Variants in HDAC9 observed in about 807,000 individuals in gnomAD.
HDAC9 encodes MEF-2 interacting transcription repressor (MITR) protein.
Under a neutral mutation model 139.4 loss-of-function variants are expected in HDAC9, and 41 were observed. That is an observed-to-expected ratio of 0.29 (90% CI 0.23 to 0.38). The LOEUF (loss-of-function observed/expected upper bound fraction) is 0.38. Ranked by LOEUF, HDAC9 falls within the 10% of genes least tolerant of loss-of-function variation. HDAC9 has a pLI of 1.00. For missense variants in HDAC9, 1,147 were observed against 1,297.0 expected (o/e 0.88, Z 1.78); for synonymous variants, 517 against 476.2 (o/e 1.09, Z -1.12).
intron 2 of HDAC9, among the ~76,000 whole-genome samples, chr7:18,210,358 A>G (rs973026236): frequency 3.3e-5 from 5 of 152,206 alleles, no homozygotes; most frequent in African/African-American, 1.2e-4. Flanking sequence ...GAAATTTAAC[A>G]CTTTTCTAAT....
At chr7:18,296,395 G>C (rs1245274852) in intron 1 of HDAC9, among the ~76,000 whole-genome samples, 1 of 141,426 alleles carries the variant, frequency 7.1e-6, no homozygotes, top group African/African-American at 3.1e-5. Flanking sequence ...ATTTTCTCTT[G>C]ATTATAACAT....
chr7:18,991,449 A>G (rs767620707), intron 25 of HDAC9, among the ~76,000 whole-genome samples: 1 of 152,152 alleles, frequency 6.6e-6, no homozygotes, highest in Non-Finnish European at 1.5e-5. Context: ...CATCCTGGCT[A>G]ACACGGTGAA....
intron 2 of HDAC9, among the ~76,000 whole-genome samples, chr7:18,526,032 A>T (rs979972462): frequency 3.9e-5 from 6 of 152,144 alleles, no homozygotes; most frequent in Admixed American, 3.9e-4. Context: ...CACCAGATGA[A>T]AGTCACTGTT....
At chr7:18,438,820 A>T (rs1333721647) in intron 1 of HDAC9, among the ~76,000 whole-genome samples, 1 of 152,170 alleles carries the variant, frequency 6.6e-6, no homozygotes. Context: ...TATTCTATAA[A>T]TGTATGAATT....
intron 12 of HDAC9, among the ~76,000 whole-genome samples, chr7:18,717,610 T>C (rs1179172191): frequency 3.9e-5 from 6 of 152,092 alleles, no homozygotes; most frequent in East Asian, 1.9e-4. Context: ...TCTGTATTTT[T>C]AGTGGAGATG....
At position 18,496,010 on chromosome 7, in the gene HDAC9, T is replaced by C; in HGVS notation, c.-55T>C. The C allele has an allele frequency of 7.1e-7, 1 of 1,414,246 alleles. No homozygotes were observed. The highest frequency in any genetic ancestry group is 9.2e-7 in the Non-Finnish European group (1 of 1,087,990). 87.6% of individuals were successfully genotyped at this position (1,414,246 alleles called of 1,614,324 possible). A position where few individuals can be genotyped will look rare whatever the true frequency, so the allele number is the denominator to read the frequency against. The stretch of plus-strand genomic sequence containing the variant: ...GCTATAGCATCCACTCTGTCCTTTC[T>C]GCTTTGCACACAGGTTGGTAACATG... On this transcript the variant is annotated 5_prime_UTR_variant, in exon 1 of 26. Coordinates refer to ENST00000686413, the MANE Select transcript of HDAC9 (RefSeq NM_178425.4).
At chr7:18,089,892 G>A (rs926122925) in intron 1 of HDAC9, among the ~76,000 whole-genome samples, 1 of 151,144 alleles carries the variant, frequency 6.6e-6, no homozygotes, top group Non-Finnish European at 1.5e-5. Context: ...ACATCCAAAT[G>A]TGGCTTTTTA....
At chr7:18,555,995 G>T (rs922656491) in intron 2 of HDAC9, among the ~76,000 whole-genome samples, 189 of 151,616 alleles carry the variant, frequency 1.2e-3, no homozygotes, top group African/African-American at 4.4e-3. Flanking sequence ...TAAAATCTTG[G>T]GATTTTCTTT....
intron 2 of HDAC9, among the ~76,000 whole-genome samples, chr7:18,195,538 CT>C (rs1790664520): frequency 6.6e-6 from 1 of 152,204 alleles, no homozygotes; most frequent in South Asian, 2.1e-4. Flanking sequence ...TCTGAAAAAT[CT>C]TTTGTTCTTT....
chr7:18,668,171 CAAATT>C (rs1165980488), intron 12 of HDAC9: 1 of 850,814 alleles, frequency 1.2e-6, no homozygotes, highest in Non-Finnish European at 1.4e-6. Context: ...AGTCTCCATT[CAAATT>C]AAATTAACAT....
At chr7:18,199,414 C>T (rs926694169) in intron 2 of HDAC9, among the ~76,000 whole-genome samples, 6 of 152,008 alleles carry the variant, frequency 3.9e-5, no homozygotes, top group Admixed American at 3.3e-4. Context: ...CCTCTTAGTT[C>T]CATTTGTATA....
intron 2 of HDAC9, among the ~76,000 whole-genome samples, chr7:18,243,767 A>G (rs1794342888): frequency 6.6e-6 from 1 of 152,232 alleles, no homozygotes; most frequent in African/African-American, 2.4e-5. Context: ...CAGCTTAGTT[A>G]AAAAATTTAT....
chr7:18,233,730 C>T (rs547326510), intron 2 of HDAC9, among the ~76,000 whole-genome samples: 4 of 152,240 alleles, frequency 2.6e-5, no homozygotes, highest in Admixed American at 6.5e-5. Flanking sequence ...ACCCTCTTTC[C>T]TTGCCACTTT....
chr7:18,179,514 A>C (rs573758355), intron 2 of HDAC9, among the ~76,000 whole-genome samples: 3 of 152,232 alleles, frequency 2.0e-5, no homozygotes, highest in African/African-American at 7.2e-5. Context: ...AGGATGAATA[A>C]GCTTTGTTTT....
At chr7:18,872,187 A>G (rs992338303) in intron 21 of HDAC9, among the ~76,000 whole-genome samples, 1 of 152,148 alleles carries the variant, frequency 6.6e-6, no homozygotes, top group Non-Finnish European at 1.5e-5. Context: ...CTATCAGGTG[A>G]TGTATCCTTT....
intron 2 of HDAC9, among the ~76,000 whole-genome samples, chr7:18,214,655 AT>A (rs1792173846): frequency 6.6e-6 from 1 of 152,096 alleles, no homozygotes; most frequent in Non-Finnish European, 1.5e-5. Context: ...TATATATAAT[AT>A]ATGATAGCCA....
intron 2 of HDAC9, among the ~76,000 whole-genome samples, chr7:18,193,509 A>G (rs1313501137): frequency 3.9e-5 from 6 of 152,176 alleles, no homozygotes; most frequent in Non-Finnish European, 8.8e-5. Flanking sequence ...GTCAAAGATG[A>G]AAGAGATGTA....
At chr7:18,123,966 G>A (rs1174176272) in intron 1 of HDAC9, among the ~76,000 whole-genome samples, 7 of 152,054 alleles carry the variant, frequency 4.6e-5, no homozygotes, top group Non-Finnish European at 1.0e-4. Context: ...AAAGAATGAG[G>A]GGTGCTATCT....
At chr7:18,846,172 T>G (rs970274444) in intron 21 of HDAC9, among the ~76,000 whole-genome samples, 1 of 152,214 alleles carries the variant, frequency 6.6e-6, no homozygotes, top group Non-Finnish European at 1.5e-5. Context: ...TAATTCTCAA[T>G]GTTCTTCTCC....
Sources: allele counts gnomAD v4.1 joint callset (sites outside exome capture counted in the v4.1 genomes callset), GRCh38; gene constraint gnomAD v4.1.1; transcripts MANE v1.5; gene names NCBI Gene and HGNC (gene_info 2026-07-23, HGNC 2026-07-21).